PER3: variants seen among roughly 807,000 people sequenced by gnomAD.
PER3 encodes period circadian regulator 3, also known as period circadian protein homolog 3.
PER3 carries 107 observed loss-of-function variants against 127.2 expected under a neutral mutation model. The ratio of observed to expected loss-of-function variants is 0.84; its 90% CI spans 0.72 to 0.99. The LOEUF is 0.99. PER3 is among the 50% of genes least tolerant of loss of function. The pLI is 0.00. For synonymous variants in PER3, 618 were observed against 585.8 expected (o/e 1.05, Z -0.79); for missense variants, 1,560 against 1,525.8 (o/e 1.02, Z -0.37).
chr1:7,827,184 TGCCGGAGCCGCCAGACA>T lies in PER3; in HGVS notation c.2258_2274del (p.Pro753GlnfsTer104), dbSNP rs1485081056. ...AAAGGGAAGCACAAGCGGAAGAAGCTGCCGGAGCCGCCAGACAGCAGCAGCTCGAACACCGGCTCTGG... is the reference window on the plus strand; with the variant it reads ...AAAGGGAAGCACAAGCGGAAGAAGCTGCAGCAGCTCGAACACCGGCTCTGG... On this transcript the variant is annotated frameshift_variant, in exon 18 of 22. Transcript: ENST00000377532. LOFTEE classifies it high-confidence loss of function. The T allele has an allele frequency of 6.8e-6, 11 of 1,613,048 alleles. No homozygotes were observed. Among genetic ancestry groups the T allele is most frequent in the Non-Finnish European group, 8.5e-6 (10 of 1,179,662 alleles).
At chr1:7,802,919 A>G in intron 8 of PER3, 128 bp from the exon 9 acceptor site, 1 of 678,984 alleles carries the variant, frequency 1.5e-6, no homozygotes, top group Non-Finnish European at 2.7e-6. Flanking sequence ...TGCTGTTTTT[A>G]TAAATGCTAA....
intron 5 of PER3, among the ~76,000 whole-genome samples, chr1:7,792,138 A>C (rs1296563801): frequency 1.3e-5 from 2 of 152,180 alleles, no homozygotes; most frequent in Non-Finnish European, 2.9e-5. Flanking sequence ...GTAATTTCTA[A>C]AGGAAAGAGT....
At chr1:7,809,283 T>C (rs1251156523) in intron 11 of PER3, among the ~76,000 whole-genome samples, 1 of 152,182 alleles carries the variant, frequency 6.6e-6, no homozygotes, top group Non-Finnish European at 1.5e-5. Flanking sequence ...GCCTTTGGGT[T>C]TTGGCTTCAG....
At chr1:7,807,264 C>T (rs2097199144) in intron 10 of PER3, among the ~76,000 whole-genome samples, 1 of 152,154 alleles carries the variant, frequency 6.6e-6, no homozygotes, top group African/African-American at 2.4e-5. Context: ...TATGGTGTAC[C>T]TGACGCCATG....
intron 6 of PER3, among the ~76,000 whole-genome samples, chr1:7,797,618 A>G (rs968986272): frequency 6.6e-6 from 1 of 151,432 alleles, no homozygotes; most frequent in Admixed American, 6.6e-5. Context: ...CCTGGGCAAC[A>G]GAGCGAGACT....
At position 7,820,082 on chromosome 1, in the gene PER3, G is replaced by GT. The variant is rs760652675; in HGVS notation, c.1659-32dup. 1.9e-6 allele frequency: 3 copies of GT among 1,607,558 alleles called. No homozygotes were observed. The South Asian group carries it at 3.3e-5, about 18-fold the overall frequency. ...GGGAAATGGCACAATTAGGGAACAG[G>GT]TAAGAATGTGTGGCCTAATTATGTT... On this transcript the variant is annotated intron_variant, in intron 14 of 21. Coordinates refer to ENST00000377532, the MANE Select transcript of PER3 (RefSeq NM_001377275.1).
chr1:7,842,228 C>T (rs757940482), intron 21 of PER3, among the ~76,000 whole-genome samples: 5 of 152,126 alleles, frequency 3.3e-5, no homozygotes, highest in South Asian at 4.1e-4. Flanking sequence ...TGAGGCTGGG[C>T]GCGGTGTCTA....
intron 19 of PER3, among the ~76,000 whole-genome samples, chr1:7,834,327 T>C (rs1425652140): frequency 1.3e-5 from 2 of 152,222 alleles, no homozygotes; most frequent in Non-Finnish European, 2.9e-5. Context: ...AGTACTTCCA[T>C]GTCCCCTTTG....
chr1:7,844,460 A>G lies in PER3; in HGVS notation c.*1705A>G, dbSNP rs2097403177. ...TTAACCAGCCAGTAGATTGTCTGTCAGTGACCTTCTGTAGTAATAAAGTTT... is the reference window on the plus strand; with the variant it reads ...TTAACCAGCCAGTAGATTGTCTGTCGGTGACCTTCTGTAGTAATAAAGTTT... On this transcript the variant is annotated 3_prime_UTR_variant, in exon 22 of 22. Coordinates refer to ENST00000377532, the MANE Select transcript of PER3 (RefSeq NM_001377275.1). 1 of 152,638 alleles carries G rather than the reference A, an allele frequency of 6.6e-6. No individual in the cohort carries two copies. The highest frequency in any genetic ancestry group is 1.5e-5 in the Non-Finnish European group (1 of 68,218). 9.5% of individuals were successfully genotyped at this position (152,638 alleles called of 1,614,324 possible).
intron 19 of PER3, among the ~76,000 whole-genome samples, chr1:7,831,651 G>A (rs1441901084): frequency 5.3e-5 from 8 of 152,122 alleles, no homozygotes; most frequent in African/African-American, 1.4e-4. Flanking sequence ...CCCTTTCTGC[G>A]TCTGTTGAGA....
At chr1:7,793,606 T>C (rs541204078) in intron 5 of PER3, among the ~76,000 whole-genome samples, 3 of 152,352 alleles carry the variant, frequency 2.0e-5, no homozygotes, top group African/African-American at 7.2e-5. Context: ...ACTATTACAA[T>C]GGGATGGAAT....
At position 7,830,101 on chromosome 1, in the gene PER3, G is replaced by A. The variant is rs1211394432; in HGVS notation, c.3154G>A (p.Val1052Ile). 4 of 1,614,088 alleles carry A rather than the reference G, an allele frequency of 2.5e-6. No individual in the cohort carries two copies. Among genetic ancestry groups the A allele is most frequent in the African/African-American group, 2.7e-5 (2 of 74,934 alleles). ...SRTPSHPTAT[V>I]LSTGSPPSES... Reference sequence around the variant, plus strand: ...GACTCCATCCCATCCTACTGCCACTGTTCTGTCCACGGGGTCACCTCCCAG... The same window carrying A: ...GACTCCATCCCATCCTACTGCCACTATTCTGTCCACGGGGTCACCTCCCAG... The change falls in exon 19 of 22, where the codon GTT becomes ATT. Residue 1052 changes from valine (V) to isoleucine (I), a missense_variant. By Grantham distance (29) the Val-to-Ile change is conservative. This residue lies in a region of PER3 where 199 missense variants were observed against 198.6 expected (regional missense o/e 1.00). Coordinates refer to ENST00000377532, the MANE Select transcript of PER3 (RefSeq NM_001377275.1).
intron 6 of PER3, among the ~76,000 whole-genome samples, chr1:7,794,747 G>T (rs915426637): frequency 1.3e-5 from 2 of 151,820 alleles, no homozygotes; most frequent in African/African-American, 4.8e-5. Flanking sequence ...TGAACCAGAA[G>T]AAAACAGATG....
At chr1:7,831,367 G>C (rs1043080378) in intron 19 of PER3, among the ~76,000 whole-genome samples, 6 of 152,086 alleles carry the variant, frequency 3.9e-5, no homozygotes, top group Non-Finnish European at 7.4e-5. Flanking sequence ...GATTCTGCAG[G>C]ACTTTTCTAC....
intron 9 of PER3, 103 bp from the exon 10 acceptor site, chr1:7,803,589 A>G (rs1479515924): frequency 2.7e-5 from 21 of 783,802 alleles, no homozygotes; most frequent in Middle Eastern, 3.5e-4. Context: ...CTCAATCTCA[A>G]AAAAAACCAC....
In PER3 at chr1:7,786,717, T is replaced by C. The variant is rs1201182306; in HGVS notation, c.275-4T>C. ...CTACCTGTTTATCTCCCTGTGTTTC[T>C]TAGCAAACAGTGAGTTTTTCCAGAT... On this transcript the variant is annotated splice_polypyrimidine_tract_variant and splice_region_variant and intron_variant, in intron 3 of 21. Transcript: ENST00000377532. 4 of 1,505,506 alleles carry C rather than the reference T, an allele frequency of 2.7e-6. No homozygotes were observed. Among genetic ancestry groups the C allele is most frequent in the Non-Finnish European group, 3.7e-6 (4 of 1,080,888 alleles). 93.3% of individuals were successfully genotyped at this position (1,505,506 alleles called of 1,614,324 possible).
Sources: allele counts gnomAD v4.1 joint callset (sites outside exome capture counted in the v4.1 genomes callset), GRCh38; gene constraint gnomAD v4.1.1; regional missense constraint gnomAD v4.1.1; transcripts MANE v1.5; gene names NCBI Gene and HGNC (gene_info 2026-07-23, HGNC 2026-07-21).